EIF4B: variants seen among roughly 807,000 people sequenced by gnomAD.
EIF4B encodes eukaryotic translation initiation factor 4B.
EIF4B carries 8 observed loss-of-function variants against 79.3 expected under a neutral mutation model. That is an observed-to-expected ratio of 0.10 (90% CI 0.06 to 0.18). EIF4B has a LOEUF of 0.18. Ranked by LOEUF, EIF4B falls within the 10% of genes least tolerant of loss-of-function variation. The pLI, the probability that EIF4B is intolerant of heterozygous loss-of-function variation, is 1.00. For synonymous variants in EIF4B, 238 were observed against 274.7 expected, an observed-to-expected ratio of 0.87 and a Z score of 1.32; for missense variants, 515 against 792.4, an observed-to-expected ratio of 0.65 and a Z score of 4.20.
Position 53,040,399 on chromosome 12 carries a change from G to A in EIF4B, c.*176G>A, listed in dbSNP as rs12300579. ...TTTGCATGCTGCTGCAGCCTTTAAA[G>A]TATTGAAGTAACTGGAGAATTGCCA... is the stretch of plus-strand genomic sequence containing the variant. On this transcript the variant is annotated 3_prime_UTR_variant, in exon 15 of 15. Coordinates refer to ENST00000262056, the MANE Select transcript of EIF4B (RefSeq NM_001417.7). 166 of 601,218 alleles carry A rather than the reference G, an allele frequency of 2.8e-4. 1 individual carries two copies. The highest frequency in any genetic ancestry group is 2.7e-3 in the African/African-American group (146 of 53,620). The allele number at this position is 601,218 out of a possible 1,614,324, so 37.2% of individuals were successfully genotyped here. A position where few individuals can be genotyped will look rare whatever the true frequency, so the allele number is the denominator to read the frequency against.
intron 10 of EIF4B, among the ~76,000 whole-genome samples, chr12:53,034,956 C>CTTTTTTTTTTTTTTTTTT (rs72498436): frequency 1.1e-5 from 1 of 90,156 alleles, no homozygotes; most frequent in Admixed American, 1.2e-4. Context: ...TTGTCTCTCT[C>CTTTTTTTTTTTTTTTTTT]TTTTTTTTTT....
intron 12 of EIF4B, 44 bp downstream of exon 12, chr12:53,038,455 A>G: frequency 6.5e-7 from 1 of 1,528,062 alleles, no homozygotes; most frequent in Non-Finnish European, 8.8e-7. Context: ...CTAGAAGCCT[A>G]AATAAAAAGG....
At chr12:53,017,696 C>A (rs1943171138) in intron 2 of EIF4B, among the ~76,000 whole-genome samples, 1 of 152,148 alleles carries the variant, frequency 6.6e-6, no homozygotes, top group Admixed American at 6.6e-5. Flanking sequence ...GGGGTTCAAG[C>A]GATTCTCCTG....
chr12:53,026,651 G>C (rs1466967784), intron 6 of EIF4B, among the ~76,000 whole-genome samples: 1 of 151,996 alleles, frequency 6.6e-6, no homozygotes, highest in Non-Finnish European at 1.5e-5. Context: ...ACCCAGGCTG[G>C]AGTGCCTTGG....
intron 1 of EIF4B, among the ~76,000 whole-genome samples, chr12:53,008,322 CCCCCTTGAAAACCCTCAT>C: frequency 6.6e-6 from 1 of 152,326 alleles, no homozygotes; most frequent in South Asian, 2.1e-4. Flanking sequence ...ATTTACTCTA[CCCCCTTGAAAACCCTCAT>C]CTCCTTTAAT....
intron 1 of EIF4B, among the ~76,000 whole-genome samples, chr12:53,007,060 C>G (rs1357081267): frequency 6.6e-6 from 1 of 152,160 alleles, no homozygotes; most frequent in African/African-American, 2.4e-5. Context: ...GGCGCGCCTT[C>G]AATGCGTGCG....
At chr12:53,015,678 C>CT (rs1176608117) in intron 1 of EIF4B, among the ~76,000 whole-genome samples, 1 of 59,436 alleles carries the variant, frequency 1.7e-5, no homozygotes, top group Non-Finnish European at 5.2e-5. Flanking sequence ...AAGACCCTGT[C>CT]TCAAAAAAAA....
chr12:53,022,010 T>G, intron 5 of EIF4B, 150 bp downstream of exon 5: 1 of 855,620 alleles, frequency 1.2e-6, no homozygotes, highest in South Asian at 1.7e-5. Flanking sequence ...AGGGGACTTC[T>G]GGCAATGTTT....
At chr12:53,009,147 A>T (rs998028240) in intron 1 of EIF4B, among the ~76,000 whole-genome samples, 4 of 152,206 alleles carry the variant, frequency 2.6e-5, no homozygotes, top group Non-Finnish European at 5.9e-5. Flanking sequence ...CAGTTTCTTT[A>T]TCTGGAAAGT....
At chr12:53,010,400 A>G (rs984387638) in intron 1 of EIF4B, among the ~76,000 whole-genome samples, 1 of 152,088 alleles carries the variant, frequency 6.6e-6, no homozygotes, top group Non-Finnish European at 1.5e-5. Flanking sequence ...TAGTAAATGC[A>G]TTTTTTTACT....
intron 5 of EIF4B, chr12:53,022,232 A>G (rs2120926909): frequency 1.5e-6 from 1 of 684,754 alleles, no homozygotes; most frequent in South Asian, 1.5e-5. Context: ...CACAAAGGGG[A>G]CCTAATTTGT....
chr12:53,040,109 C>T (rs1176033509), intron 14 of EIF4B, 34 bp from the exon 15 acceptor site: 3 of 1,611,470 alleles, frequency 1.9e-6, no homozygotes, highest in Non-Finnish European at 2.5e-6. Context: ...TAATTCAGGG[C>T]CTTCATTATC....
intron 8 of EIF4B, among the ~76,000 whole-genome samples, chr12:53,029,232 T>A (rs1943392424): frequency 6.6e-6 from 1 of 152,160 alleles, no homozygotes; most frequent in African/African-American, 2.4e-5. Context: ...CCTAATACTA[T>A]AAGATATAAA....
chr12:53,022,669 G>T, intron 6 of EIF4B, 42 bp downstream of exon 6: 1 of 1,596,910 alleles, frequency 6.3e-7, no homozygotes. Context: ...TGTGCTTTGG[G>T]AGGCTATTTA....
intron 2 of EIF4B, 22 bp downstream of exon 2, chr12:53,016,632 T>A (rs202225533): frequency 6.5e-7 from 1 of 1,549,160 alleles, no homozygotes; most frequent in East Asian, 2.3e-5. Flanking sequence ...TTTGTCATCG[T>A]GTTTGGAATG....
intron 9 of EIF4B, 54 bp downstream of exon 9, chr12:53,034,088 G>GCCCC: frequency 6.6e-7 from 1 of 1,512,458 alleles, no homozygotes; most frequent in Non-Finnish European, 9.0e-7. Flanking sequence ...CGTAATGGGG[G>GCCCC]CATTACATCC....
At position 53,037,868 on chromosome 12, in the gene EIF4B, T is replaced by C. The variant is rs923670427; in HGVS notation, c.1520+246T>C. The C allele has an allele frequency of 1.2e-4, 62 of 529,550 alleles. 1 individual carries two copies. The highest frequency in any genetic ancestry group is 1.9e-4 in the Non-Finnish European group (56 of 296,324). The allele number at this position is 529,550 out of a possible 1,614,324, so 32.8% of individuals were successfully genotyped here. A position where few individuals can be genotyped will look rare whatever the true frequency, so the allele number is the denominator to read the frequency against. ...TAATGCCGCACAAATCTGCAAATAC[T>C]GTAAGTCAGAGGCTTCCCTTTTGCC... On this transcript the variant is annotated intron_variant, in intron 11 of 14. Coordinates refer to ENST00000262056, the MANE Select transcript of EIF4B (RefSeq NM_001417.7).
chr12:53,028,042 G>A lies in EIF4B; in HGVS notation c.833G>A (p.Arg278Lys). 6.2e-7 allele frequency: 1 copy of A among 1,612,884 alleles called. No homozygotes were observed. The highest frequency in any genetic ancestry group is 8.5e-7 in the Non-Finnish European group (1 of 1,179,346). Residue 278 changes from arginine to lysine, a missense_variant, in exon 8 of 15, where the codon AGA becomes AAA. Coordinates refer to ENST00000262056, the MANE Select transcript of EIF4B (RefSeq NM_001417.7). ...TATGATTCCCGGATAGGCAGTGGCA[G>A]AAGAGCATTTGGCAGTGGGTATCGC... ...RGYDSRIGSG[R>K]RAFGSGYRRD...
At chr12:53,012,874 G>T (rs1943089054) in intron 1 of EIF4B, among the ~76,000 whole-genome samples, 1 of 152,252 alleles carries the variant, frequency 6.6e-6, no homozygotes, top group East Asian at 1.9e-4. Flanking sequence ...CCAAAGTGCT[G>T]GGATTACAGG....
Sources: allele counts gnomAD v4.1 joint callset (sites outside exome capture counted in the v4.1 genomes callset), GRCh38; gene constraint gnomAD v4.1.1; transcripts MANE v1.5; gene names NCBI Gene and HGNC (gene_info 2026-07-23, HGNC 2026-07-21).